Variants in DCDC1 observed in about 807,000 individuals in gnomAD.
DCDC1 encodes doublecortin domain-containing protein 1.
DCDC1 carries 200 observed loss-of-function variants against 178.3 expected under a neutral mutation model. The ratio of observed to expected loss-of-function variants is 1.12; its 90% CI spans 1.00 to 1.26. DCDC1 has a LOEUF of 1.26. DCDC1 is among the 50% of genes most tolerant of loss of function. The pLI is 0.00. For synonymous variants in DCDC1, 690 were observed against 604.8 expected (o/e 1.14, Z -2.07); for missense variants, 1,983 against 1,749.2 (o/e 1.13, Z -2.38).
chr11:30,945,353 T>G (rs1242096913), intron 21 of DCDC1, among the ~76,000 whole-genome samples: 3 of 152,094 alleles, frequency 2.0e-5, no homozygotes, highest in African/African-American at 7.2e-5. Flanking sequence ...CTTAAATCAA[T>G]TAATTAACTG....
At chr11:31,119,916 G>T (rs528917674) in intron 11 of DCDC1, among the ~76,000 whole-genome samples, 79 of 152,266 alleles carry the variant, frequency 5.2e-4, no homozygotes, top group African/African-American at 1.9e-3. Flanking sequence ...TCATAGTGTT[G>T]TCATATTGTT....
At chr11:30,967,223 T>C (rs1181844511) in intron 20 of DCDC1, among the ~76,000 whole-genome samples, 1 of 135,160 alleles carries the variant, frequency 7.4e-6, no homozygotes, top group Non-Finnish European at 1.6e-5. Flanking sequence ...TATTGATTCT[T>C]CCTACCCATG....
intron 20 of DCDC1, among the ~76,000 whole-genome samples, chr11:31,014,233 C>A (rs1022383383): frequency 1.3e-5 from 2 of 152,008 alleles, no homozygotes; most frequent in East Asian, 3.9e-4. Context: ...CTTTTTCTCC[C>A]CCCTCCCCTC....
chr11:30,886,971 T>A (rs1943231628), intron 36 of DCDC1, among the ~76,000 whole-genome samples: 1 of 152,148 alleles, frequency 6.6e-6, no homozygotes, highest in Non-Finnish European at 1.5e-5. Context: ...GAAAAAAATA[T>A]ATAAATAATT....
At chr11:30,926,179 AG>A (rs1173343746) in intron 22 of DCDC1, among the ~76,000 whole-genome samples, 1 of 152,210 alleles carries the variant, frequency 6.6e-6, no homozygotes, top group African/African-American at 2.4e-5. Context: ...TTTCCAGAGA[AG>A]CCTTATCTAA....
At chr11:31,235,442 A>C (rs1976334377) in intron 9 of DCDC1, among the ~76,000 whole-genome samples, 1 of 151,916 alleles carries the variant, frequency 6.6e-6, no homozygotes, top group African/African-American at 2.4e-5. Flanking sequence ...GTCAATCTGT[A>C]TCCATATTAA....
At chr11:31,124,087 T>C (rs1961217232) in intron 11 of DCDC1, among the ~76,000 whole-genome samples, 1 of 152,076 alleles carries the variant, frequency 6.6e-6, no homozygotes, top group South Asian at 2.1e-4. Context: ...AAGGCATCCT[T>C]GTCTTGTACC....
chr11:30,901,647 C>A (rs1037250233), intron 32 of DCDC1, among the ~76,000 whole-genome samples: 1 of 152,114 alleles, frequency 6.6e-6, no homozygotes, highest in African/African-American at 2.4e-5. Context: ...GAGATGGAAT[C>A]AAAAGAATGC....
Position 30,943,190 on chromosome 11 carries a change from CT to C in DCDC1, c.2715+9254del, listed in dbSNP as rs923299667. 145 of 145,366 alleles carry C rather than the reference CT, an allele frequency of 1.0e-3. 1 individual carries two copies. The highest frequency in any genetic ancestry group is 1.1e-3 in the South Asian group (5 of 4,594). 9.0% of individuals were successfully genotyped at this position (145,366 alleles called of 1,614,324 possible). Reference sequence around the variant, plus strand: ...GTGCTCCCTTAAATTGATCATTCTTCTTTTTTTTTTTATCTCTCTCTCATAA... The same window carrying C: ...GTGCTCCCTTAAATTGATCATTCTTCTTTTTTTTTTATCTCTCTCTCATAA... On this transcript the variant is annotated intron_variant, in intron 21 of 38. Coordinates refer to ENST00000684477, the MANE Select transcript of DCDC1 (RefSeq NM_001387274.1).
Position 30,905,083 on chromosome 11 carries a change from T to C in DCDC1, c.4186A>G (p.Thr1396Ala). 6.2e-7 allele frequency: 1 copy of C among 1,613,786 alleles called. No individual in the cohort carries two copies. The highest frequency in any genetic ancestry group is 8.5e-7 in the Non-Finnish European group (1 of 1,179,750). ...RLLSLRMKTC[T>A]QAASHSGMAA... is the part of the protein sequence containing the mutation. ...ATGCCACTGTGAGATGCAGCTTGCG[T>C]GCAGGTCTTCATCCGTAAAGACAAT... The change falls in exon 31 of 39, where the codon ACG becomes GCG. Residue 1396 changes from threonine (T) to alanine (A), a missense_variant. Thr to Ala is a moderately conservative substitution (Grantham distance 58, BLOSUM62 0). Coordinates refer to ENST00000684477, the MANE Select transcript of DCDC1 (RefSeq NM_001387274.1).
At chr11:31,349,924 A>T (rs1490610958) in intron 1 of DCDC1, among the ~76,000 whole-genome samples, 1 of 152,126 alleles carries the variant, frequency 6.6e-6, no homozygotes, top group Non-Finnish European at 1.5e-5. Context: ...ATTTGTTGAG[A>T]ACATGATTTT....
intron 28 of DCDC1, among the ~76,000 whole-genome samples, chr11:30,910,583 A>G (rs1945371445): frequency 6.6e-6 from 1 of 152,234 alleles, no homozygotes. Context: ...CAACAAGAGG[A>G]TGGAAAATAC....
Position 30,892,924 on chromosome 11 carries a change from T to C in DCDC1, c.4976A>G (p.Lys1659Arg), listed in dbSNP as rs1565036850. Reference sequence around the variant, plus strand: ...GGGCTGCTTATACAGGTTGCTCGGCTTGACTGCTATACGTTTGGTTGCAAT... The same window carrying C: ...GGGCTGCTTATACAGGTTGCTCGGCCTGACTGCTATACGTTTGGTTGCAAT... ...FPIATKRIAV[K>R]PSNLYKQPNT... The change falls in exon 36 of 39, where the codon AAG becomes AGG. Residue 1659 changes from lysine (K) to arginine (R), a missense_variant. Physicochemically the swap from Lys to Arg is conservative, Grantham distance 26. Transcript: ENST00000684477. 1 of 1,614,008 alleles carries C rather than the reference T, an allele frequency of 6.2e-7. No homozygotes were observed.
intron 20 of DCDC1, among the ~76,000 whole-genome samples, chr11:31,047,712 CA>C (rs1268256735): frequency 1.3e-5 from 2 of 152,022 alleles, no homozygotes; most frequent in African/African-American, 4.8e-5. Flanking sequence ...ATTTAGATTG[CA>C]AAATTCCTTG....
chr11:31,293,263 A>G (rs547334736), intron 6 of DCDC1, among the ~76,000 whole-genome samples: 9 of 152,174 alleles, frequency 5.9e-5, no homozygotes. Context: ...AGAGTATTTG[A>G]GCAGAGGAAA....
chr11:31,358,285 A>G (rs532138499), intron 1 of DCDC1, among the ~76,000 whole-genome samples: 3 of 152,188 alleles, frequency 2.0e-5, no homozygotes, highest in African/African-American at 7.2e-5. Flanking sequence ...ATAATGCTGC[A>G]TATCTACAAG....
chr11:31,025,514 T>C (rs1953164425), intron 20 of DCDC1, among the ~76,000 whole-genome samples: 1 of 151,740 alleles, frequency 6.6e-6, no homozygotes, highest in Admixed American at 6.6e-5. Flanking sequence ...TAAAATTCAA[T>C]GAACTAAGCC....
chr11:31,073,558 T>A (rs998405816), intron 18 of DCDC1, among the ~76,000 whole-genome samples: 1 of 152,170 alleles, frequency 6.6e-6, no homozygotes, highest in African/African-American at 2.4e-5. Context: ...TGGAGAGAGA[T>A]TTTGGTATTG....
intron 8 of DCDC1, among the ~76,000 whole-genome samples, chr11:31,261,469 G>C (rs1367270918): frequency 6.6e-6 from 1 of 151,896 alleles, no homozygotes; most frequent in Non-Finnish European, 1.5e-5. Context: ...AACCAAGTAT[G>C]AATGAAAAAC....
Sources: gnomAD v4.1 joint callset for allele counts (sites outside exome capture counted in the v4.1 genomes callset) on GRCh38, gnomAD v4.1.1 for gene constraint, MANE v1.5 for transcripts, NCBI Gene and HGNC (gene_info 2026-07-23, HGNC 2026-07-21) for gene names.